The following C17orf67 variants were observed in gnomAD, a reference collection of about 807,000 sequenced individuals.
C17orf67 encodes uncharacterized protein C17orf67.
A neutral mutation model predicts 11.2 loss-of-function variants in C17orf67; 12 were observed. That is an observed-to-expected ratio of 1.07 (90% CI 0.68 to 1.73). C17orf67 has a LOEUF of 1.73. Among genes scored for constraint, C17orf67 ranks in the 40% most tolerant of loss-of-function variants. The pLI is 0.00. For missense variants in C17orf67, 115 were observed against 113.5 expected (o/e 1.01, Z -0.06); for synonymous variants, 59 against 46.9 (o/e 1.26, Z -1.05).
At chr17:56,814,167 G>A (rs898083559) in intron 6 of C17orf67, among the ~76,000 whole-genome samples, 4 of 152,302 alleles carry the variant, frequency 2.6e-5, no homozygotes, top group African/African-American at 9.6e-5. Flanking sequence ...AGACCAGCCT[G>A]ACAGACAGGC....
intron 7 of C17orf67, among the ~76,000 whole-genome samples, chr17:56,793,472 C>T (rs779790819): frequency 7.2e-5 from 11 of 152,186 alleles, no homozygotes; most frequent in Non-Finnish European, 1.6e-4. Context: ...CCTCAGTCAC[C>T]CTTGGAGGGT....
At chr17:56,822,223 T>C (rs1905920839) in intron 4 of C17orf67, among the ~76,000 whole-genome samples, 1 of 152,208 alleles carries the variant, frequency 6.6e-6, no homozygotes, top group Non-Finnish European at 1.5e-5. Flanking sequence ...ATACAGAGGA[T>C]TCTAATGGGA....
chr17:56,826,460 T>C (rs1326848441), intron 2 of C17orf67, among the ~76,000 whole-genome samples: 1 of 152,048 alleles, frequency 6.6e-6, no homozygotes, highest in Non-Finnish European at 1.5e-5. Flanking sequence ...ATGTCTGAGG[T>C]CCAGGTTCTC....
chr17:56,816,848 G>C (rs1169197357), intron 4 of C17orf67, among the ~76,000 whole-genome samples: 1 of 152,182 alleles, frequency 6.6e-6, no homozygotes, highest in Middle Eastern at 3.4e-3. Flanking sequence ...GTTTGGTTTG[G>C]CTTGGTTTGG....
chr17:56,825,143 G>C lies in C17orf67; in HGVS notation c.-378C>G, dbSNP rs1905995342. 6.6e-6 allele frequency: 1 copy of C among 152,170 alleles called. No homozygotes were observed. The highest frequency in any genetic ancestry group is 1.5e-5 in the Non-Finnish European group (1 of 68,040). The allele number at this position is 152,170 out of a possible 1,614,324, so 9.4% of individuals were successfully genotyped here. ...CTTCATATTCTGACTTCAGAGACCT[G>C]GTCAGGACCACAGAATCTATATTTT... On this transcript the variant is annotated 5_prime_UTR_variant, in exon 3 of 8. Coordinates refer to ENST00000397861, the MANE Select transcript of C17orf67 (RefSeq NM_001085430.4).
intron 6 of C17orf67, among the ~76,000 whole-genome samples, chr17:56,809,890 ACC>A (rs1905562667): frequency 9.1e-6 from 1 of 109,748 alleles, no homozygotes; most frequent in Non-Finnish European, 1.9e-5. Flanking sequence ...TCTCACACAC[ACC>A]CCTTACACAC....
chr17:56,816,050 A>G (rs1216395229), intron 4 of C17orf67, 40 bp from the exon 5 acceptor site: 5 of 645,218 alleles, frequency 7.7e-6, no homozygotes, highest in Non-Finnish European at 1.2e-5. Flanking sequence ...TGACTTTCAG[A>G]GCTTGAATCT....
At chr17:56,810,201 ACT>A (rs199809232) in intron 6 of C17orf67, among the ~76,000 whole-genome samples, 26 of 124,068 alleles carry the variant, frequency 2.1e-4, no homozygotes, top group East Asian at 1.0e-3. Context: ...TCACACACAC[ACT>A]CTCACACACA....
At chr17:56,825,528 T>C (rs1906004421) in intron 2 of C17orf67, among the ~76,000 whole-genome samples, 1 of 152,226 alleles carries the variant, frequency 6.6e-6, no homozygotes, top group Admixed American at 6.5e-5. Flanking sequence ...CTTAAAAGCT[T>C]TCCCATAAGC....
chr17:56,796,387 T>C (rs1186953119), intron 6 of C17orf67, among the ~76,000 whole-genome samples: 1 of 152,222 alleles, frequency 6.6e-6, no homozygotes, highest in East Asian at 1.9e-4. Context: ...CAGTGATCCC[T>C]GCTACAACAT....
Position 56,814,912 on chromosome 17 carries a change from T to C in C17orf67, c.113A>G (p.Gln38Arg). The stretch of plus-strand genomic sequence containing the variant: ...GAATCCGGGTTTGCTTGGTCTATCC[T>C]GTCGCCGAGATCTTAGGAGCTGTTT... ...QAKQLLRSRR[Q>R]DRPSKPGFPD... The change falls in exon 6 of 8, where the codon CAG (glutamine) becomes CGG (arginine). Residue 38 changes from glutamine (Q) to arginine (R), a missense_variant. Gln to Arg is a conservative substitution (Grantham distance 43). Transcript: ENST00000397861. The C allele has an allele frequency of 6.2e-7, 1 of 1,614,114 alleles. No individual in the cohort carries two copies. The highest frequency in any genetic ancestry group is 8.5e-7 in the Non-Finnish European group (1 of 1,179,994).
At chr17:56,804,052 T>C (rs1905387923) in intron 6 of C17orf67, 2 of 152,156 alleles carry the variant, frequency 1.3e-5, no homozygotes, top group South Asian at 2.1e-4. Context: ...ATATGGAAAA[T>C]GAGTTTTAAT....
Position 56,795,067 on chromosome 17 carries a change from C to T in C17orf67, c.270G>A (p.Val90=). The stretch of plus-strand genomic sequence containing the variant: ...ACCGAGGCTGGTCCTGATCCCCTTA[C>T]ACAGGATGAATCCTGTTCCTGTCAC... ...PHCDRNRIHP[V] is the part of the protein sequence containing the mutation. Residue 90 remains valine, a synonymous_variant, in exon 7 of 8, where the codon GTG becomes GTA. Coordinates refer to ENST00000397861, the MANE Select transcript of C17orf67 (RefSeq NM_001085430.4). The T allele has an allele frequency of 1.2e-6, 2 of 1,612,888 alleles. No individual in the cohort carries two copies. Among genetic ancestry groups the T allele is most frequent in the Non-Finnish European group, 1.7e-6 (2 of 1,178,944 alleles).
intron 6 of C17orf67, among the ~76,000 whole-genome samples, chr17:56,805,408 G>A (rs1007718871): frequency 2.6e-5 from 4 of 152,104 alleles, no homozygotes; most frequent in East Asian, 1.9e-4. Flanking sequence ...AACCCTACAC[G>A]TCATTTTTTA....
At chr17:56,815,116 A>G (rs1219557564) in intron 5 of C17orf67, 147 bp from the exon 6 acceptor site, 2 of 703,620 alleles carry the variant, frequency 2.8e-6, no homozygotes, top group Admixed American at 4.3e-5. Context: ...AGGATGCAGC[A>G]TTCCAGAGGG....
chr17:56,809,547 C>T (rs2144126955), intron 6 of C17orf67, among the ~76,000 whole-genome samples: 1 of 146,764 alleles, frequency 6.8e-6, no homozygotes. Context: ...ACCCCTCACA[C>T]ACACCCTCAC....
chr17:56,809,560 A>C (rs974094675), intron 6 of C17orf67, among the ~76,000 whole-genome samples: 5 of 136,838 alleles, frequency 3.7e-5, no homozygotes, highest in African/African-American at 1.4e-4. Context: ...ACCCTCACAC[A>C]TACACAGCCT....
chr17:56,808,887 C>T (rs1205067917), intron 6 of C17orf67, among the ~76,000 whole-genome samples: 1 of 152,148 alleles, frequency 6.6e-6, no homozygotes, highest in African/African-American at 2.4e-5. Flanking sequence ...ATTCTTAACA[C>T]CTCCCCTAAA....
At chr17:56,800,031 G>A (rs1394321816) in intron 6 of C17orf67, among the ~76,000 whole-genome samples, 2 of 136,204 alleles carry the variant, frequency 1.5e-5, no homozygotes, top group South Asian at 2.4e-4. Context: ...AATCCCTCTT[G>A]ATTTTTCTGT....
Sources: allele counts gnomAD v4.1 joint callset (sites outside exome capture counted in the v4.1 genomes callset), GRCh38; gene constraint gnomAD v4.1.1; transcripts MANE v1.5; gene names NCBI Gene and HGNC (gene_info 2026-07-23, HGNC 2026-07-21).